Variants in TBC1D16 observed in about 807,000 individuals in gnomAD.
TBC1D16 encodes the protein CTD-2529O21.1.
In TBC1D16, 58 loss-of-function variants were observed where a neutral mutation model predicts 74.7. That is an observed-to-expected ratio of 0.78 (90% confidence interval 0.63 to 0.97). The LOEUF (loss-of-function observed/expected upper bound fraction) is 0.97. Ranked by LOEUF, TBC1D16 falls within the 50% of genes least tolerant of loss-of-function variation. TBC1D16 has a pLI of 0.00. For missense variants in TBC1D16, 1,014 were observed against 1,079.5 expected, an observed-to-expected ratio of 0.94 and a Z score of 0.85; for synonymous variants, 493 against 474.7, an observed-to-expected ratio of 1.04 and a Z score of -0.50.
intron 1 of TBC1D16, among the ~76,000 whole-genome samples, chr17:80,023,626 G>A (rs928772317): frequency 2.0e-5 from 3 of 148,946 alleles, no homozygotes; most frequent in Non-Finnish European, 4.4e-5. Flanking sequence ...TCCTCACCTC[G>A]GTGCAGGCCA....
At chr17:80,003,913 G>C (rs1351287843) in intron 3 of TBC1D16, among the ~76,000 whole-genome samples, 2 of 152,186 alleles carry the variant, frequency 1.3e-5, no homozygotes, top group African/African-American at 4.8e-5. Flanking sequence ...ACGGGGCATG[G>C]TGGTGCATGT....
At position 79,952,670 on chromosome 17, in the gene TBC1D16, G is replaced by A. The variant is rs1222470279; in HGVS notation, c.928C>T (p.Arg310Cys). ...RVDLGHMRSLRLFFSDEACTS... is the reference protein window; with the variant it reads ...RVDLGHMRSLCLFFSDEACTS... Reference sequence around the variant, plus strand: ...GATGCTTCCTACCTGAAGAAAAGGCGGAGGGAGCGCATGTGGCCCAGGTCC... The same window carrying A: ...GATGCTTCCTACCTGAAGAAAAGGCAGAGGGAGCGCATGTGGCCCAGGTCC... The change falls in exon 4 of 12, where the codon CGC (arginine) becomes TGC (cysteine). Residue 310 changes from arginine to cysteine, a missense_variant. Physicochemically the swap from Arg to Cys is radical, Grantham distance 180 (BLOSUM62 -3). Coordinates refer to ENST00000310924, the MANE Select transcript of TBC1D16 (RefSeq NM_019020.4). The A allele has an allele frequency of 8.8e-6, 14 of 1,597,820 alleles. No individual in the cohort carries two copies. The highest frequency in any genetic ancestry group is 6.7e-5 in the African/African-American group (5 of 74,656).
At chr17:79,945,183 C>G (rs1354089866) in intron 9 of TBC1D16, 96 bp from the exon 10 acceptor site, 4 of 1,364,522 alleles carry the variant, frequency 2.9e-6, no homozygotes, top group Non-Finnish European at 3.9e-6. Context: ...CTGGGCCACC[C>G]CAGCCTGGAA....
Position 79,975,219 on chromosome 17 carries a change from G to T in TBC1D16, c.780-22401C>A, listed in dbSNP as rs2034281266. On this transcript the variant is annotated intron_variant, in intron 3 of 11. Coordinates refer to ENST00000310924, the MANE Select transcript of TBC1D16 (RefSeq NM_019020.4). The surrounding 1 kb of genome is among the most constrained non-coding windows in gnomAD (Gnocchi z 4.5). Reference sequence around the variant, plus strand: ...TTGTTTTGTTTTTCCCTTTGCATTTGGTGAACTCCGTGTCAGGAAAGCTAG... The same window carrying T: ...TTGTTTTGTTTTTCCCTTTGCATTTTGTGAACTCCGTGTCAGGAAAGCTAG... Among the ~76,000 whole-genome samples, 2 of 152,180 alleles carry T rather than the reference G, an allele frequency of 1.3e-5. No individual in the cohort carries two copies. Among genetic ancestry groups the T allele is most frequent in the Admixed American group, 6.5e-5 (1 of 15,278 alleles).
chr17:79,974,631 A>C (rs2034253968), intron 3 of TBC1D16, among the ~76,000 whole-genome samples: 1 of 152,182 alleles, frequency 6.6e-6, no homozygotes, highest in Non-Finnish European at 1.5e-5. Flanking sequence ...ATTTTATTGC[A>C]ACTAAAAACC....
Position 79,950,786 on chromosome 17 carries a change from C to T in TBC1D16, c.1090-208G>A, listed in dbSNP as rs768068171. ...TCTTAAAATCGGTTTCCCTCTGCGG[C>T]TCTCTCCTCCCCGGCCCACTGTGCC... On this transcript the variant is annotated intron_variant, in intron 5 of 11. Coordinates refer to ENST00000310924, the MANE Select transcript of TBC1D16 (RefSeq NM_019020.4). This position sits in a 1 kb window ranked among gnomAD's most constrained non-coding sequence, Gnocchi z 4.6. The T allele has an allele frequency of 3.9e-6, 6 of 1,536,210 alleles. No homozygotes were observed. The South Asian group carries it at 5.9e-5, about 15-fold the overall frequency.
rs1185845895 is a variant in TBC1D16 at position 79,988,915 on chromosome 17, C to A, written c.779+21245G>T. On this transcript the variant is annotated intron_variant, in intron 3 of 11. Coordinates refer to ENST00000310924, the MANE Select transcript of TBC1D16 (RefSeq NM_019020.4). This position sits in a 1 kb window ranked among gnomAD's most constrained non-coding sequence, Gnocchi z 5.7. The stretch of plus-strand genomic sequence containing the variant: ...ACCCTCCCCAACCCGCACCTGCCCG[C>A]CGGCCCCAGGCCCTCCCTCAGGACC... Among the ~76,000 whole-genome samples, 4 of 152,218 alleles carry A rather than the reference C, an allele frequency of 2.6e-5. No individual in the cohort carries two copies. Among genetic ancestry groups the A allele is most frequent in the African/African-American group, 9.6e-5 (4 of 41,462 alleles).
chr17:79,943,291 C>T (rs981618275), intron 10 of TBC1D16, among the ~76,000 whole-genome samples: 2 of 152,130 alleles, frequency 1.3e-5, no homozygotes, highest in African/African-American at 2.4e-5. Context: ...CGAGACACAG[C>T]GGAGGGGTTG....
intron 2 of TBC1D16, among the ~76,000 whole-genome samples, chr17:80,012,025 A>G (rs550176256): frequency 1.3e-5 from 2 of 152,150 alleles, no homozygotes; most frequent in East Asian, 3.9e-4. Flanking sequence ...GTGGGTGCTC[A>G]GTTCTGGGGG....
intron 7 of TBC1D16, 142 bp downstream of exon 7, chr17:79,949,575 C>G (rs1171214372): frequency 7.4e-6 from 8 of 1,076,848 alleles, no homozygotes. Flanking sequence ...CTATCACTCA[C>G]GTTCCTGGGA....
rs1213362958 is a variant in TBC1D16, at chr17:79,988,497, A to T, written c.779+21663T>A. Reference sequence around the variant, plus strand: ...CGGACGGAAGCTGCCCAATCATAAGACCATGGCTGAAAGTCAAACGCGCCC... The same window carrying T: ...CGGACGGAAGCTGCCCAATCATAAGTCCATGGCTGAAAGTCAAACGCGCCC... On this transcript the variant is annotated intron_variant, in intron 3 of 11. Transcript: ENST00000310924. The surrounding 1 kb of genome is among the most constrained non-coding windows in gnomAD (Gnocchi z 5.7). 6.6e-6 allele frequency among the ~76,000 whole-genome samples: 1 copy of T among 152,178 alleles called. No individual in the cohort carries two copies. Among genetic ancestry groups the T allele is most frequent in the East Asian group, 1.9e-4 (1 of 5,186 alleles).
chr17:79,945,144 AG>A (rs2032413168), intron 9 of TBC1D16, 57 bp from the exon 10 acceptor site: 1 of 1,492,112 alleles, frequency 6.7e-7, no homozygotes, highest in African/African-American at 1.4e-5. Context: ...CCTGCTGCCC[AG>A]GAAGCCCACT....
Position 79,986,607 on chromosome 17 carries a change from T to C in TBC1D16, c.779+23553A>G, listed in dbSNP as rs2144396009. Among the ~76,000 whole-genome samples the C allele has an allele frequency of 6.6e-6, 1 of 152,002 alleles. No individual in the cohort carries two copies. On this transcript the variant is annotated intron_variant, in intron 3 of 11. Transcript: ENST00000310924. The surrounding 1 kb of genome is among the most constrained non-coding windows in gnomAD (Gnocchi z 6.0). ...CCTTTGAAGGATGAACGGCAAGGGG[T>C]ATGTCTGCCCTGACAGAGTGACCAG...
At position 79,944,038 on chromosome 17, in the gene TBC1D16, C is replaced by T. The variant is rs945229851; in HGVS notation, c.1908+870G>A. The T allele has an allele frequency of 4.1e-5, 63 of 1,535,772 alleles. No individual in the cohort carries two copies. Among genetic ancestry groups the T allele is most frequent in the South Asian group, 5.9e-5 (5 of 84,042 alleles). On this transcript the variant is annotated intron_variant, in intron 10 of 11. Coordinates refer to ENST00000310924, the MANE Select transcript of TBC1D16 (RefSeq NM_019020.4). The surrounding 1 kb of genome is among the most constrained non-coding windows in gnomAD (Gnocchi z 7.7). ...CCCGGGCCAGGGGCGAGCCGATGACCGCATGCAAAGGCGGCGTGTGGTACC... is the reference window on the plus strand; with the variant it reads ...CCCGGGCCAGGGGCGAGCCGATGACTGCATGCAAAGGCGGCGTGTGGTACC...
rs76459583 is a variant in TBC1D16, at chr17:79,981,228, A to G, written c.780-28410T>C. On this transcript the variant is annotated intron_variant, in intron 3 of 11. Transcript: ENST00000310924. The surrounding 1 kb of genome is among the most constrained non-coding windows in gnomAD (Gnocchi z 6.9). Reference sequence around the variant, plus strand: ...TGGGCCTAGTTTCAGGGGAGCCAGCATCTTCCGCACCAATGCACTGCTTGG... The same window carrying G: ...TGGGCCTAGTTTCAGGGGAGCCAGCGTCTTCCGCACCAATGCACTGCTTGG... Among the ~76,000 whole-genome samples the G allele has an allele frequency of 3.0e-3, 450 of 152,270 alleles. 1 individual carries two copies. Among genetic ancestry groups the G allele is most frequent in the Non-Finnish European group, 4.7e-3 (317 of 68,018 alleles).
intron 2 of TBC1D16, among the ~76,000 whole-genome samples, chr17:80,013,027 T>C (rs1007540864): frequency 2.0e-5 from 3 of 152,342 alleles, no homozygotes; most frequent in South Asian, 2.1e-4. Flanking sequence ...ATGAGGTTGT[T>C]GTGCAAATTA....
Position 79,939,890 on chromosome 17 carries a change from G to A in TBC1D16, c.*969C>T, listed in dbSNP as rs962451982. 6 of 152,302 alleles carry A rather than the reference G, an allele frequency of 3.9e-5. No homozygotes were observed. The highest frequency in any genetic ancestry group is 1.4e-4 in the African/African-American group (6 of 41,558). 9.4% of individuals were successfully genotyped at this position (152,302 alleles called of 1,614,324 possible). A position where few individuals can be genotyped will look rare whatever the true frequency, so the allele number is the denominator to read the frequency against. On this transcript the variant is annotated 3_prime_UTR_variant, in exon 12 of 12. Coordinates refer to ENST00000310924, the MANE Select transcript of TBC1D16 (RefSeq NM_019020.4). Reference sequence around the variant, plus strand: ...ACTATTTCCAGGTGTCCTTGTCTTGGTTGGTCAGCTAATACACTACCACGT... The same window carrying A: ...ACTATTTCCAGGTGTCCTTGTCTTGATTGGTCAGCTAATACACTACCACGT...
chr17:79,986,915 C>T lies in TBC1D16; in HGVS notation c.779+23245G>A, dbSNP rs1288046921. Among the ~76,000 whole-genome samples, 1 of 152,230 alleles carries T rather than the reference C, an allele frequency of 6.6e-6. No individual in the cohort carries two copies. The highest frequency in any genetic ancestry group is 1.5e-5 in the Non-Finnish European group (1 of 68,044). On this transcript the variant is annotated intron_variant, in intron 3 of 11. Coordinates refer to ENST00000310924, the MANE Select transcript of TBC1D16 (RefSeq NM_019020.4). This position sits in a 1 kb window ranked among gnomAD's most constrained non-coding sequence, Gnocchi z 6.0. ...CGGTCAGCCGTCCCCTCGCGCCCTC[C>T]GGTCTCTGCTGCTGTGTTTACTTGG... is the stretch of plus-strand genomic sequence containing the variant.
rs572228605 is a variant in TBC1D16, at chr17:79,995,275, G to C, written c.779+14885C>G. ...AGATCGCACCACGGCACTCCAGTTT[G>C]GGTGACAAACTGAGACTCCGTTTCA... On this transcript the variant is annotated intron_variant, in intron 3 of 11. Coordinates refer to ENST00000310924, the MANE Select transcript of TBC1D16 (RefSeq NM_019020.4). Among the ~76,000 whole-genome samples, 9 of 151,966 alleles carry C rather than the reference G, an allele frequency of 5.9e-5. No individual in the cohort carries two copies. The South Asian group carries it at 1.9e-3, about 32-fold the overall frequency.
Sources: gnomAD v4.1 joint callset for allele counts (sites outside exome capture counted in the v4.1 genomes callset) on GRCh38, gnomAD v4.1.1 for gene constraint, Gnocchi (gnomAD v3.1) non-coding constraint, MANE v1.5 for transcripts, NCBI Gene and HGNC (gene_info 2026-07-23, HGNC 2026-07-21) for gene names.